CLTA: variants seen among roughly 807,000 people sequenced by gnomAD.
CLTA encodes clathrin, light polypeptide (Lca).
CLTA carries 9 observed loss-of-function variants against 26.9 expected under a neutral mutation model. The observed-to-expected ratio is 0.33, with a 90% CI of 0.20 to 0.58. The LOEUF (loss-of-function observed/expected upper bound fraction) is 0.58. Ranked by LOEUF, CLTA falls within the 20% of genes least tolerant of loss-of-function variation. The pLI is 0.85. For missense variants in CLTA, 278 were observed against 294.2 expected, an observed-to-expected ratio of 0.94 and a Z score of 0.40; for synonymous variants, 120 against 115.5, an observed-to-expected ratio of 1.04 and a Z score of -0.25.
chr9:36,197,511 AC>A, intron 1 of CLTA, 39 bp from the exon 2 acceptor site: 1 of 1,520,652 alleles, frequency 6.6e-7, no homozygotes, highest in Non-Finnish European at 9.1e-7. Flanking sequence ...CCAGTGTTTG[AC>A]CAGTCCTTAT....
intron 3 of CLTA, among the ~76,000 whole-genome samples, chr9:36,202,015 G>T (rs1183511064): frequency 5.3e-5 from 8 of 152,108 alleles, no homozygotes; most frequent in Non-Finnish European, 1.2e-4. Context: ...GGAGATTGAG[G>T]TGGGAGGATC....
At chr9:36,208,448 C>T (rs181850168) in intron 4 of CLTA, among the ~76,000 whole-genome samples, 138 of 152,324 alleles carry the variant, frequency 9.1e-4, no homozygotes, top group Non-Finnish European at 1.4e-3. Flanking sequence ...AAACTGTACC[C>T]GCTTCTTGAG....
chr9:36,193,758 C>T (rs1826871966), intron 1 of CLTA, among the ~76,000 whole-genome samples: 1 of 152,148 alleles, frequency 6.6e-6, no homozygotes, highest in African/African-American at 2.4e-5. Context: ...TGGGCACAGG[C>T]AAAAACCAGA....
At chr9:36,204,236 C>T (rs1827590633) in intron 4 of CLTA, 57 bp downstream of exon 4, 1 of 1,550,514 alleles carries the variant, frequency 6.4e-7, no homozygotes, top group Non-Finnish European at 8.7e-7. Flanking sequence ...CAAATCCATT[C>T]TCAGCATCCA....
chr9:36,196,930 T>C (rs569646782), intron 1 of CLTA, among the ~76,000 whole-genome samples: 1 of 152,220 alleles, frequency 6.6e-6, no homozygotes, highest in South Asian at 2.1e-4. Flanking sequence ...ATCCAATACT[T>C]TGGGAGACCG....
At position 36,211,599 on chromosome 9, in the gene CLTA, C is replaced by A; in HGVS notation, c.486-4C>A. 1 of 1,608,042 alleles carries A rather than the reference C, an allele frequency of 6.2e-7. No individual in the cohort carries two copies. ...AAACCAACATATTTTGTTGTTGCTTCCAGGGCAGCAGAAGAAGCCTTTGTA... is the reference window on the plus strand; with the variant it reads ...AAACCAACATATTTTGTTGTTGCTTACAGGGCAGCAGAAGAAGCCTTTGTA... On this transcript the variant is annotated splice_polypyrimidine_tract_variant and splice_region_variant and intron_variant, in intron 4 of 4. Transcript: ENST00000345519.
At chr9:36,199,540 C>T (rs1827278151) in intron 3 of CLTA, among the ~76,000 whole-genome samples, 1 of 150,854 alleles carries the variant, frequency 6.6e-6, no homozygotes, top group African/African-American at 2.4e-5. Context: ...AGCTCTGCCT[C>T]CCGGGTTCAC....
At chr9:36,191,368 G>C in intron 1 of CLTA, 95 bp downstream of exon 1, 1 of 1,348,752 alleles carries the variant, frequency 7.4e-7, no homozygotes. Context: ...GCTCCTTGCT[G>C]AATTAGGAGG....
chr9:36,199,092 C>A lies in CLTA; in HGVS notation c.369C>A (p.Ala123=). 2 of 1,604,292 alleles carry A rather than the reference C, an allele frequency of 1.2e-6. No individual in the cohort carries two copies. The highest frequency in any genetic ancestry group is 1.7e-6 in the Non-Finnish European group (2 of 1,171,186). The change falls in exon 3 of 5, where the codon GCC becomes GCA. Residue 123 remains alanine (A), a synonymous_variant. Transcript: ENST00000345519. ...WREEQMERLE[A]LDANSRKQEA... is the part of the protein sequence containing the mutation. The stretch of plus-strand genomic sequence containing the variant: ...AAGAACAAATGGAACGCTTGGAAGC[C>A]CTTGGTAAGGAATCCCTTCTGTGTT...
At chr9:36,210,549 C>T (rs1827982590) in intron 4 of CLTA, 3 of 1,608,812 alleles carry the variant, frequency 1.9e-6, no homozygotes, top group Admixed American at 1.7e-5. Flanking sequence ...TACTGACCAT[C>T]TGCATTGAGC....
chr9:36,196,073 C>T (rs1182632493), intron 1 of CLTA, among the ~76,000 whole-genome samples: 2 of 151,976 alleles, frequency 1.3e-5, no homozygotes, highest in Non-Finnish European at 2.9e-5. Flanking sequence ...GTCAGGAGTT[C>T]GAGACCATCC....
chr9:36,198,703 A>G (rs573943472), intron 2 of CLTA, among the ~76,000 whole-genome samples: 56 of 112,046 alleles, frequency 5.0e-4, no homozygotes, highest in African/African-American at 1.5e-3. Flanking sequence ...CCCACCCCAG[A>G]AAAAAAAAAA....
intron 1 of CLTA, among the ~76,000 whole-genome samples, chr9:36,194,506 C>T (rs1361340565): frequency 6.6e-6 from 1 of 152,142 alleles, no homozygotes; most frequent in Non-Finnish European, 1.5e-5. Flanking sequence ...AGCAGTAGCT[C>T]CACAGGTTAA....
At chr9:36,207,223 A>G (rs1158769323) in intron 4 of CLTA, among the ~76,000 whole-genome samples, 2 of 152,186 alleles carry the variant, frequency 1.3e-5, no homozygotes, top group East Asian at 1.9e-4. Flanking sequence ...GTTGAGGCCT[A>G]AGTGTCACAG....
At position 36,211,858 on chromosome 9, in the gene CLTA, T is replaced by A. The variant is rs1828065799; in HGVS notation, c.*84T>A. On this transcript the variant is annotated 3_prime_UTR_variant, in exon 5 of 5. Coordinates refer to ENST00000345519, the MANE Select transcript of CLTA (RefSeq NM_001833.4). ...TTCACAGTCATTGGATTAATTATGT[T>A]GAGTTCTTTTGGACCAAACCTTTTT... 8.4e-7 allele frequency: 1 copy of A among 1,191,138 alleles called. No homozygotes were observed. Among genetic ancestry groups the A allele is most frequent in the Admixed American group, 2.4e-5 (1 of 41,908 alleles). The allele number at this position is 1,191,138 out of a possible 1,614,324, so 73.8% of individuals were successfully genotyped here.
intron 4 of CLTA, among the ~76,000 whole-genome samples, chr9:36,209,030 T>C (rs1827885241): frequency 6.6e-6 from 1 of 152,202 alleles, no homozygotes; most frequent in Non-Finnish European, 1.5e-5. Context: ...GCCAAAGGGA[T>C]GAAGTTGGCA....
chr9:36,207,464 C>G (rs974993356), intron 4 of CLTA, among the ~76,000 whole-genome samples: 1 of 152,132 alleles, frequency 6.6e-6, no homozygotes, highest in Non-Finnish European at 1.5e-5. Flanking sequence ...TTTTCTGTGC[C>G]CACTTTGAGG....
chr9:36,197,469 T>G, intron 1 of CLTA, 82 bp from the exon 2 acceptor site: 1 of 896,054 alleles, frequency 1.1e-6, no homozygotes, highest in Non-Finnish European at 1.8e-6. Context: ...ATACAGCATA[T>G]GATGCTGTAT....
intron 4 of CLTA, among the ~76,000 whole-genome samples, chr9:36,208,705 C>A (rs1459239808): frequency 6.6e-6 from 1 of 152,188 alleles, no homozygotes; most frequent in Non-Finnish European, 1.5e-5. Flanking sequence ...AGCATTCCTG[C>A]CCAGTGCATT....
Sources: allele counts gnomAD v4.1 joint callset (sites outside exome capture counted in the v4.1 genomes callset), GRCh38; gene constraint gnomAD v4.1.1; transcripts MANE v1.5; gene names NCBI Gene and HGNC (gene_info 2026-07-23, HGNC 2026-07-21).